Variants in PCIF1 observed in about 807,000 individuals in gnomAD.
The protein encoded by PCIF1 is mRNA (2'-O-methyladenosine-N(6)-)-methyltransferase.
In PCIF1, 12 loss-of-function variants were observed where a neutral mutation model predicts 86.9. The ratio of observed to expected loss-of-function variants is 0.14; its 90% CI spans 0.09 to 0.22. The LOEUF is 0.22. Among genes scored for constraint, PCIF1 ranks in the 10% least tolerant of loss-of-function variants. The pLI, the probability that PCIF1 is intolerant of heterozygous loss-of-function variation, is 1.00. For missense variants in PCIF1, 701 were observed against 951.1 expected, an observed-to-expected ratio of 0.74 and a Z score of 3.46; for synonymous variants, 397 against 372.0, an observed-to-expected ratio of 1.07 and a Z score of -0.77.
rs1338377008 is a variant in PCIF1, at chr20:45,945,011, C to A, written c.1149C>A (p.Leu383=). 1.9e-6 allele frequency: 3 copies of A among 1,611,976 alleles called. No homozygotes were observed. Among genetic ancestry groups the A allele is most frequent in the Non-Finnish European group, 2.5e-6 (3 of 1,179,184 alleles). Residue 383 remains leucine, a synonymous_variant, in exon 11 of 17, where the codon CTC becomes CTA. Transcript: ENST00000372409. ...KRIREKHLAI[L]KENNISEEVE... is the part of the protein sequence containing the mutation. The stretch of plus-strand genomic sequence containing the variant: ...TCCGAGAGAAGCACCTTGCCATCCT[C>A]AAGGAAAACAACATCTCAGGTAGGG...
In PCIF1 at chr20:45,947,004, G is replaced by T; in HGVS notation, c.1614-69G>T. 1 of 1,351,104 alleles carries T rather than the reference G, an allele frequency of 7.4e-7. No homozygotes were observed. The highest frequency in any genetic ancestry group is 1.4e-5 in the African/African-American group (1 of 69,114). The allele number at this position is 1,351,104 out of a possible 1,614,324, so 83.7% of individuals were successfully genotyped here. A position where few individuals can be genotyped will look rare whatever the true frequency, so the allele number is the denominator to read the frequency against. On this transcript the variant is annotated intron_variant, in intron 14 of 16. Transcript: ENST00000372409. This position sits in a 1 kb window ranked among gnomAD's most constrained non-coding sequence, Gnocchi z 5.4. ...TTCAGTGTGGCTGCCTAGGGTTGGG[G>T]GGTGGCACCTGTTTCTGGTTGAGGG... is the stretch of plus-strand genomic sequence containing the variant.
chr20:45,935,267 T>G (rs965300912), intron 1 of PCIF1, among the ~76,000 whole-genome samples: 18 of 151,970 alleles, frequency 1.2e-4, no homozygotes, highest in African/African-American at 4.3e-4. Context: ...TGTTCGCCCT[T>G]TGACTCCTCC....
intron 1 of PCIF1, among the ~76,000 whole-genome samples, chr20:45,935,692 A>G (rs1402361441): frequency 6.6e-6 from 1 of 152,186 alleles, no homozygotes; most frequent in Non-Finnish European, 1.5e-5. Context: ...TTTTTCAAAT[A>G]GTGTGAAAAA....
Position 45,947,317 on chromosome 20 carries a change from T to C in PCIF1, c.1762T>C (p.Trp588Arg). Reference sequence around the variant, plus strand: ...GTCCTTCATCGTGTTCATCCCTGAGTGGCGGGAACCCCCAACACCAGCGCT... The same window carrying C: ...GTCCTTCATCGTGTTCATCCCTGAGCGGCGGGAACCCCCAACACCAGCGCT... ...PLSFIVFIPE[W>R]REPPTPALTR... is the part of the protein sequence containing the mutation. Residue 588 changes from tryptophan to arginine, a missense_variant, in exon 16 of 17, where the codon TGG becomes CGG. By Grantham distance (101) the Trp-to-Arg change is moderately radical. Transcript: ENST00000372409. This position sits in a 1 kb window ranked among gnomAD's most constrained non-coding sequence, Gnocchi z 5.4. 1.9e-6 allele frequency: 3 copies of C among 1,614,050 alleles called. No homozygotes were observed. In the South Asian group the frequency reaches 3.3e-5, roughly 18 times the overall value.
intron 10 of PCIF1, among the ~76,000 whole-genome samples, chr20:45,944,051 C>A (rs533212524): frequency 6.6e-6 from 1 of 152,210 alleles, no homozygotes; most frequent in East Asian, 1.9e-4. Context: ...GAATGTTCAG[C>A]ATCTCCCTTG....
chr20:45,940,381 G>A (rs2083458980), intron 4 of PCIF1, 94 bp from the exon 5 acceptor site: 3 of 1,415,574 alleles, frequency 2.1e-6, no homozygotes, highest in East Asian at 5.1e-5. Context: ...TCCCTAAGGA[G>A]TAGGAGCAGG....
At position 45,941,049 on chromosome 20, in the gene PCIF1, C is replaced by G; in HGVS notation, c.519-4C>G. 1 of 1,614,164 alleles carries G rather than the reference C, an allele frequency of 6.2e-7. No homozygotes were observed. Among genetic ancestry groups the G allele is most frequent in the South Asian group, 1.1e-5 (1 of 91,076 alleles). The stretch of plus-strand genomic sequence containing the variant: ...ATCCTCATCACTCCTCTCTGTGCCC[C>G]AAGGGTCTACTGGGACCTGGACATC... On this transcript the variant is annotated splice_polypyrimidine_tract_variant and splice_region_variant and intron_variant, in intron 6 of 16. Coordinates refer to ENST00000372409, the MANE Select transcript of PCIF1 (RefSeq NM_022104.4).
At chr20:45,942,594 C>T (rs1439630308) in intron 7 of PCIF1, among the ~76,000 whole-genome samples, 1 of 151,944 alleles carries the variant, frequency 6.6e-6, no homozygotes, top group East Asian at 1.9e-4. Context: ...GGATTACAGG[C>T]GTGAGCCACT....
rs745539628 is a variant in PCIF1, at chr20:45,947,951, TC to T, written c.*199del. 2.0e-6 allele frequency: 3 copies of T among 1,532,456 alleles called. No homozygotes were observed. Among genetic ancestry groups the T allele is most frequent in the Admixed American group, 2.0e-5 (1 of 50,468 alleles). The allele number at this position is 1,532,456 out of a possible 1,614,324, so 94.9% of individuals were successfully genotyped here. A position where few individuals can be genotyped will look rare whatever the true frequency, so the allele number is the denominator to read the frequency against. ...CCCATGTATATAGGTCCTGATGCCTTCCCAACCCCGCCCCTCACCCTGTTGC... is the reference window on the plus strand; with the variant it reads ...CCCATGTATATAGGTCCTGATGCCTTCCAACCCCGCCCCTCACCCTGTTGC... On this transcript the variant is annotated 3_prime_UTR_variant, in exon 17 of 17. Transcript: ENST00000372409. This position sits in a 1 kb window ranked among gnomAD's most constrained non-coding sequence, Gnocchi z 5.4.
In PCIF1 at chr20:45,944,776, C is replaced by T. The variant is rs1365766220; in HGVS notation, c.1006-92C>T. On this transcript the variant is annotated intron_variant, in intron 10 of 16. Transcript: ENST00000372409. ...AGCAGAGCTGGTTTCAAAACAAGGA[C>T]TGCTGGACTCCAACAGCCCTGCGGT... is the stretch of plus-strand genomic sequence containing the variant. 7.8e-6 allele frequency: 11 copies of T among 1,402,758 alleles called. No homozygotes were observed. In the East Asian group the frequency reaches 1.2e-4, roughly 15 times the overall value. 86.9% of individuals were successfully genotyped at this position (1,402,758 alleles called of 1,614,324 possible).
In PCIF1 at chr20:45,947,738, G is replaced by A. The variant is rs547744655; in HGVS notation, c.2098G>A (p.Glu700Lys). 8.1e-6 allele frequency: 13 copies of A among 1,600,830 alleles called. No homozygotes were observed. The highest frequency in any genetic ancestry group is 8.0e-5 in the African/African-American group (6 of 74,740). Residue 700 changes from glutamate to lysine, a missense_variant, in exon 17 of 17, where the codon GAG (glutamate) becomes AAG (lysine). By Grantham distance (56) the Glu-to-Lys change is moderately conservative. Coordinates refer to ENST00000372409, the MANE Select transcript of PCIF1 (RefSeq NM_022104.4). This position sits in a 1 kb window ranked among gnomAD's most constrained non-coding sequence, Gnocchi z 5.4. ...GGGCCGTGAGCAGGGTCCTAGCCGC[G>A]AGCCTCACCCCACTTAACATATCCT... is the stretch of plus-strand genomic sequence containing the variant. ...DSGREQGPSR[E>K]PHPT
Position 45,947,743 on chromosome 20 carries a change from T to C in PCIF1, c.2103T>C (p.Pro701=). Residue 701 remains proline, a synonymous_variant, in exon 17 of 17, where the codon CCT becomes CCC. Transcript: ENST00000372409. This position sits in a 1 kb window ranked among gnomAD's most constrained non-coding sequence, Gnocchi z 5.4. ...SGREQGPSRE[P]HPT ...GTGAGCAGGGTCCTAGCCGCGAGCCTCACCCCACTTAACATATCCTGCGGG... is the reference window on the plus strand; with the variant it reads ...GTGAGCAGGGTCCTAGCCGCGAGCCCCACCCCACTTAACATATCCTGCGGG... The C allele has an allele frequency of 6.3e-7, 1 of 1,599,426 alleles. No homozygotes were observed. Among genetic ancestry groups the C allele is most frequent in the Non-Finnish European group, 8.5e-7 (1 of 1,172,432 alleles).
At chr20:45,936,116 A>G (rs2083423258) in intron 1 of PCIF1, among the ~76,000 whole-genome samples, 1 of 152,180 alleles carries the variant, frequency 6.6e-6, no homozygotes, top group South Asian at 2.1e-4. Context: ...CCCACAGATC[A>G]GTGATAGGTA....
intron 10 of PCIF1, 86 bp from the exon 11 acceptor site, chr20:45,944,782 G>T: frequency 6.9e-7 from 1 of 1,444,540 alleles, no homozygotes; most frequent in Non-Finnish European, 9.3e-7. Context: ...AGGACTGCTG[G>T]ACTCCAACAG....
chr20:45,935,070 C>CTA (rs1378026523), intron 1 of PCIF1, among the ~76,000 whole-genome samples: 4 of 151,762 alleles, frequency 2.6e-5, no homozygotes, highest in African/African-American at 9.7e-5. Context: ...GGCTCCGACT[C>CTA]TGAGTCGCCT....
chr20:45,937,010 C>T (rs933062177), intron 1 of PCIF1, among the ~76,000 whole-genome samples: 1 of 137,960 alleles, frequency 7.2e-6, no homozygotes, highest in East Asian at 2.0e-4. Flanking sequence ...TGGTTTTGAA[C>T]TCCTAGCCCA....
In PCIF1 at chr20:45,947,700, AGGACCGGGACTCGG is replaced by A. The variant is rs2083546059; in HGVS notation, c.2062_2075del (p.Asp688ProfsTer2). The A allele has an allele frequency of 6.2e-7, 1 of 1,608,940 alleles. No homozygotes were observed. Among genetic ancestry groups the A allele is most frequent in the African/African-American group, 1.3e-5 (1 of 75,014 alleles). ...TCCTCATCGTCCTCCTCGGAGGCCA[AGGACCGGGACTCGG>A]GCCGTGAGCAGGGTCCTAGCCGCGA... On this transcript the variant is annotated frameshift_variant, in exon 17 of 17. Transcript: ENST00000372409. LOFTEE classifies it high-confidence loss of function. The surrounding 1 kb of genome is among the most constrained non-coding windows in gnomAD (Gnocchi z 5.4).
At position 45,943,672 on chromosome 20, in the gene PCIF1, A is replaced by C. The variant is rs746068434; in HGVS notation, c.912A>C (p.Ala304=). The change falls in exon 10 of 17, where the codon GCA becomes GCC. Residue 304 remains alanine (A), a synonymous_variant. Transcript: ENST00000372409. The surrounding 1 kb of genome is among the most constrained non-coding windows in gnomAD (Gnocchi z 5.5). ...CCCTCCCCTTGACTGGCAGGAGTGC[A>C]TCCCCTGACAGTAGGAAGGTGGTCA... ...AARRLIESRS[A]SPDSRKVVKW... 6.4e-6 allele frequency: 10 copies of C among 1,558,908 alleles called. No individual in the cohort carries two copies. Among genetic ancestry groups the C allele is most frequent in the Non-Finnish European group, 7.8e-6 (9 of 1,150,878 alleles).
At position 45,945,012 on chromosome 20, in the gene PCIF1, A is replaced by C; in HGVS notation, c.1150A>C (p.Lys384Gln). The change falls in exon 11 of 17, where the codon AAG becomes CAG. Residue 384 changes from lysine (K) to glutamine (Q), a missense_variant. Transcript: ENST00000372409. ...RIREKHLAILKENNISEEVEA... is the reference protein window; with the variant it reads ...RIREKHLAILQENNISEEVEA... Reference sequence around the variant, plus strand: ...CCGAGAGAAGCACCTTGCCATCCTCAAGGAAAACAACATCTCAGGTAGGGG... The same window carrying C: ...CCGAGAGAAGCACCTTGCCATCCTCCAGGAAAACAACATCTCAGGTAGGGG... 2 of 1,612,186 alleles carry C rather than the reference A, an allele frequency of 1.2e-6. No individual in the cohort carries two copies. Among genetic ancestry groups the C allele is most frequent in the South Asian group, 1.1e-5 (1 of 90,784 alleles).
Sources: gnomAD v4.1 joint callset for allele counts (sites outside exome capture counted in the v4.1 genomes callset) on GRCh38, gnomAD v4.1.1 for gene constraint, Gnocchi (gnomAD v3.1) non-coding constraint, MANE v1.5 for transcripts, NCBI Gene and HGNC (gene_info 2026-07-23, HGNC 2026-07-21) for gene names.